Variants in GPC6 observed in about 807,000 individuals in gnomAD.
GPC6 encodes glypican 6, also known as glypican-6.
A neutral mutation model predicts 55.2 loss-of-function variants in GPC6; 14 were observed. That is an observed-to-expected ratio of 0.25 (90% CI 0.17 to 0.40). The LOEUF is 0.40. Among genes scored for constraint, GPC6 ranks in the 10% least tolerant of loss-of-function variants. The pLI is 1.00. For missense variants in GPC6, 641 were observed against 708.5 expected, an observed-to-expected ratio of 0.90 and a Z score of 1.08; for synonymous variants, 278 against 259.6, an observed-to-expected ratio of 1.07 and a Z score of -0.68.
At chr13:93,486,771 C>T (rs1838832683) in intron 1 of GPC6, among the ~76,000 whole-genome samples, 1 of 151,862 alleles carries the variant, frequency 6.6e-6, no homozygotes. Context: ...ATGGTGAAAA[C>T]CCATCTCTAC....
At chr13:94,037,338 A>G (rs1031884027) in intron 4 of GPC6, among the ~76,000 whole-genome samples, 1 of 151,936 alleles carries the variant, frequency 6.6e-6, no homozygotes, top group Non-Finnish European at 1.5e-5. Context: ...AAAGATCCAG[A>G]TATGCGCTTC....
intron 1 of GPC6, among the ~76,000 whole-genome samples, chr13:93,302,626 T>C (rs540960126): frequency 6.6e-6 from 1 of 152,294 alleles, no homozygotes; most frequent in Non-Finnish European, 1.5e-5. Context: ...GAAACATACA[T>C]GATTGAATGG....
At chr13:94,154,617 C>T (rs1173290538) in intron 4 of GPC6, among the ~76,000 whole-genome samples, 7 of 152,064 alleles carry the variant, frequency 4.6e-5, no homozygotes, top group Admixed American at 3.3e-4. Context: ...AGACCTTGGC[C>T]GAAGTCCCAG....
chr13:93,707,541 G>T lies in GPC6; in HGVS notation c.320-122613G>T, dbSNP rs116169781. On this transcript the variant is annotated intron_variant, in intron 2 of 8. Coordinates refer to ENST00000377047, the MANE Select transcript of GPC6 (RefSeq NM_005708.5). Reference sequence around the variant, plus strand: ...TTCTACCTCTTAAGAAATGAAGTAGGCTCTCCTGTCCCCATCAAGGCAATT... The same window carrying T: ...TTCTACCTCTTAAGAAATGAAGTAGTCTCTCCTGTCCCCATCAAGGCAATT... 4.9e-3 allele frequency among the ~76,000 whole-genome samples: 744 copies of T among 151,784 alleles called. 9 individuals carry two copies. The highest frequency in any genetic ancestry group is 0.017 in the African/African-American group (706 of 41,468).
intron 3 of GPC6, among the ~76,000 whole-genome samples, chr13:93,957,839 A>T (rs1020897869): frequency 2.0e-5 from 3 of 152,210 alleles, no homozygotes; most frequent in Admixed American, 2.0e-4. Flanking sequence ...CATTCCCAGC[A>T]GCAGTGTATA....
intron 3 of GPC6, among the ~76,000 whole-genome samples, chr13:93,967,285 A>G (rs1880091831): frequency 6.6e-6 from 1 of 152,242 alleles, no homozygotes; most frequent in East Asian, 1.9e-4. Context: ...GACAGTACAA[A>G]TGAATAGTTA....
At chr13:93,413,545 T>C (rs1365567005) in intron 1 of GPC6, among the ~76,000 whole-genome samples, 3 of 147,936 alleles carry the variant, frequency 2.0e-5, no homozygotes, top group Non-Finnish European at 3.0e-5. Context: ...TAAAATAGTG[T>C]TGTATTTTGT....
chr13:94,039,714 A>T (rs1883465234), intron 4 of GPC6, among the ~76,000 whole-genome samples: 1 of 151,890 alleles, frequency 6.6e-6, no homozygotes, highest in South Asian at 2.1e-4. Context: ...GGGTTTTCAC[A>T]GCCCAGATGT....
chr13:94,176,574 A>C (rs1888781021), intron 4 of GPC6, among the ~76,000 whole-genome samples: 1 of 152,208 alleles, frequency 6.6e-6, no homozygotes, highest in African/African-American at 2.4e-5. Context: ...AAGCCAATAC[A>C]CATGAACCTC....
chr13:94,096,126 A>T (rs1357799279), intron 4 of GPC6, among the ~76,000 whole-genome samples: 1 of 152,186 alleles, frequency 6.6e-6, no homozygotes, highest in Admixed American at 6.5e-5. Context: ...GATTAGTTTT[A>T]ATAGAACAGA....
chr13:93,680,161 C>T (rs1260001989), intron 2 of GPC6, among the ~76,000 whole-genome samples: 1 of 152,040 alleles, frequency 6.6e-6, no homozygotes, highest in African/African-American at 2.4e-5. Flanking sequence ...AATGAGGTCG[C>T]CACTGTGAGT....
Position 93,422,104 on chromosome 13 carries a change from T to C in GPC6, c.161-123159T>C, listed in dbSNP as rs573864138. 2.0e-5 allele frequency among the ~76,000 whole-genome samples: 3 copies of C among 152,326 alleles called. No homozygotes were observed. In the East Asian group the frequency reaches 5.8e-4, roughly 29 times the overall value. On this transcript the variant is annotated intron_variant, in intron 1 of 8. Coordinates refer to ENST00000377047, the MANE Select transcript of GPC6 (RefSeq NM_005708.5). ...CACTTTGGGCTGCTTCCAGTTCCCG[T>C]CATTGCTTTGCCCAGAGTAAGCAAT...
chr13:93,375,097 G>A (rs568343592), intron 1 of GPC6, among the ~76,000 whole-genome samples: 127 of 152,108 alleles, frequency 8.3e-4, no homozygotes, highest in African/African-American at 2.9e-3. Context: ...CCTGGCCTTC[G>A]TAAATTAAAA....
chr13:93,552,795 T>C lies in GPC6; in HGVS notation c.319+7374T>C, dbSNP rs149808712. Among the ~76,000 whole-genome samples the C allele has an allele frequency of 1.7e-4, 26 of 152,330 alleles. No individual in the cohort carries two copies. The East Asian group carries it at 4.0e-3, about 24-fold the overall frequency. ...AAACCAGTTCTACCAGAAGGGTTCT[T>C]GGTAATGAATGTTAATGAGCAGACA... is the stretch of plus-strand genomic sequence containing the variant. On this transcript the variant is annotated intron_variant, in intron 2 of 8. Transcript: ENST00000377047.
chr13:93,705,397 T>TA (rs887795439), intron 2 of GPC6, among the ~76,000 whole-genome samples: 10 of 151,976 alleles, frequency 6.6e-5, no homozygotes, highest in Non-Finnish European at 1.3e-4. Context: ...TTGTTGAACT[T>TA]ACAATTTAAA....
intron 2 of GPC6, among the ~76,000 whole-genome samples, chr13:93,572,049 G>A (rs1055746000): frequency 1.3e-5 from 2 of 152,078 alleles, no homozygotes; most frequent in East Asian, 3.9e-4. Context: ...GGGCCAAGAA[G>A]CTCAATCTGA....
At chr13:94,131,681 G>T (rs1887006589) in intron 4 of GPC6, among the ~76,000 whole-genome samples, 1 of 151,796 alleles carries the variant, frequency 6.6e-6, no homozygotes, top group Admixed American at 6.6e-5. Flanking sequence ...TGAGTCTGAT[G>T]TTAAAATTCT....
chr13:93,624,281 C>T (rs541347897), intron 2 of GPC6, among the ~76,000 whole-genome samples: 2 of 152,184 alleles, frequency 1.3e-5, no homozygotes, highest in South Asian at 4.2e-4. Context: ...AGCAGCACAG[C>T]AAATCTAAGG....
At chr13:93,962,491 G>A (rs1391965003) in intron 3 of GPC6, among the ~76,000 whole-genome samples, 1 of 151,892 alleles carries the variant, frequency 6.6e-6, no homozygotes, top group African/African-American at 2.4e-5. Flanking sequence ...CTAACCCAGT[G>A]CCCCACATTC....
Sources: gnomAD v4.1 joint callset for allele counts (sites outside exome capture counted in the v4.1 genomes callset) on GRCh38, gnomAD v4.1.1 for gene constraint, MANE v1.5 for transcripts, NCBI Gene and HGNC (gene_info 2026-07-23, HGNC 2026-07-21) for gene names.